The following DDX5 variants were observed in gnomAD, a reference collection of about 807,000 sequenced individuals.
DDX5 encodes DEAD-box helicase 5, also known as probable ATP-dependent RNA helicase DDX5.
DDX5 carries 6 observed loss-of-function variants against 68.6 expected under a neutral mutation model. The observed-to-expected ratio is 0.09, with a 90% CI of 0.05 to 0.17. DDX5 has a LOEUF of 0.17. Among genes scored for constraint, DDX5 ranks in the 10% least tolerant of loss-of-function variants. The pLI, the probability that DDX5 is intolerant of heterozygous loss-of-function variation, is 1.00. For missense variants in DDX5, 499 were observed against 756.1 expected (o/e 0.66, Z 3.99); for synonymous variants, 350 against 247.0 (o/e 1.42, Z -3.91).
chr17:64,505,895 G>A (rs150802016), intron 1 of DDX5, 181 bp downstream of exon 1: 4 of 1,535,368 alleles, frequency 2.6e-6, no homozygotes, highest in East Asian at 2.4e-5. Flanking sequence ...ACACTACACC[G>A]TCAAATCTCT....
At chr17:64,506,358 C>T (rs2038523334), upstream of DDX5, 17 of 1,446,904 alleles carry the variant, frequency 1.2e-5, no homozygotes, top group South Asian at 2.2e-4. Flanking sequence ...ACGCTGGGAG[C>T]CGCTCTATGA....
At position 64,506,227 on chromosome 17, in the gene DDX5, GGAA is replaced by G. The variant is rs1395151172; in HGVS notation, c.-111_-109del. 1 of 1,555,020 alleles carries G rather than the reference GGAA, an allele frequency of 6.4e-7. No homozygotes were observed. The highest frequency in any genetic ancestry group is 8.7e-7 in the Non-Finnish European group (1 of 1,149,818). ...GAAGCCTTGCGGGGGCGGCAGCGGA[GGAA>G]GGACACCGATGACACCAGCCGAAGC... On this transcript the variant is annotated 5_prime_UTR_variant, in exon 1 of 13. Transcript: ENST00000225792.
intron 1 of DDX5, 56 bp downstream of exon 1, chr17:64,506,020 A>AGGGGCCCCCCCCCCCCCCCC: frequency 1.2e-6 from 1 of 868,080 alleles, no homozygotes; most frequent in Non-Finnish European, 1.7e-6. Flanking sequence ...CGCCACCCTG[A>AGGGGCCCCCCCCCCCCCCCC]CCCGCCCTCC....
chr17:64,505,568 G>C (rs920148727), intron 1 of DDX5: 27 of 678,636 alleles, frequency 4.0e-5, no homozygotes, highest in Middle Eastern at 7.9e-4. Flanking sequence ...CTCCTCCGCC[G>C]GGCGGGGTAA....
intron 1 of DDX5, 57 bp downstream of exon 1, chr17:64,506,019 G>GGGCCCCCCCCCCCCCCCCCCCC: frequency 7.4e-7 from 1 of 1,360,438 alleles, no homozygotes; most frequent in Non-Finnish European, 1.0e-6. Context: ...CCGCCACCCT[G>GGGCCCCCCCCCCCCCCCCCCCC]ACCCGCCCTC....
intron 1 of DDX5, 192 bp downstream of exon 1, chr17:64,505,884 G>T (rs986100351): frequency 6.5e-7 from 1 of 1,535,712 alleles, no homozygotes; most frequent in African/African-American, 1.4e-5. Flanking sequence ...CAAGCTTGAA[G>T]ACACTACACC....
In DDX5 at chr17:64,504,842, C is replaced by T; in HGVS notation, c.45G>A (p.Gly15=). 1 of 1,590,566 alleles carries T rather than the reference C, an allele frequency of 6.3e-7. No homozygotes were observed. Among genetic ancestry groups the T allele is most frequent in the Non-Finnish European group, 8.5e-7 (1 of 1,173,574 alleles). Reference sequence around the variant, plus strand: ...TTCCTCCAAATCGAGGTGCACCAAACCTGGAATGAAAAAAAACGTTATTCA... The same window carrying T: ...TTCCTCCAAATCGAGGTGCACCAAATCTGGAATGAAAAAAAACGTTATTCA... The part of the protein sequence containing the change: ...SSDRDRGRDR[G]FGAPRFGGSR... The change falls in exon 2 of 13, where the codon GGG becomes GGA. Residue 15 remains glycine (G), a splice_region_variant and synonymous_variant. Transcript: ENST00000225792.
chr17:64,505,502 C>A, intron 1 of DDX5: 1 of 589,172 alleles, frequency 1.7e-6, no homozygotes, highest in Admixed American at 3.0e-5. Context: ...GCGGCGCTTC[C>A]CCCTTTGTCT....
chr17:64,500,826 A>G lies in DDX5; in HGVS notation c.1217-53T>C, dbSNP rs782087920. 3.1e-6 allele frequency: 4 copies of G among 1,310,518 alleles called. No individual in the cohort carries two copies. In the South Asian group the frequency reaches 4.8e-5, roughly 16 times the overall value. The allele number at this position is 1,310,518 out of a possible 1,614,324, so 81.2% of individuals were successfully genotyped here. On this transcript the variant is annotated intron_variant, in intron 11 of 12. Coordinates refer to ENST00000225792, the MANE Select transcript of DDX5 (RefSeq NM_004396.5). ...AGCAATGTACGGAGTTTTGCACACCACAACAGCCAGACCAAAAATAAAAAG... is the reference window on the plus strand; with the variant it reads ...AGCAATGTACGGAGTTTTGCACACCGCAACAGCCAGACCAAAAATAAAAAG...
chr17:64,502,279 G>GT, intron 9 of DDX5, 56 bp from the exon 10 acceptor site: 1 of 1,581,734 alleles, frequency 6.3e-7, no homozygotes, highest in Non-Finnish European at 8.7e-7. Flanking sequence ...TCAGACTCCA[G>GT]TGCTTGACCA....
chr17:64,502,272 G>C, intron 9 of DDX5, 49 bp from the exon 10 acceptor site: 2 of 1,599,638 alleles, frequency 1.3e-6, no homozygotes, highest in Non-Finnish European at 1.7e-6. Context: ...GAAAACCTCA[G>C]ACTCCAGTGC....
intron 7 of DDX5, 44 bp from the exon 8 acceptor site, chr17:64,503,142 G>C: frequency 6.2e-7 from 1 of 1,612,628 alleles, no homozygotes; most frequent in Non-Finnish European, 8.5e-7. Context: ...ACTCTTAAGA[G>C]TGAAAACACA....
chr17:64,506,019 G>GTGCCCCCCCCCCCC, intron 1 of DDX5, 57 bp downstream of exon 1: 3 of 1,360,404 alleles, frequency 2.2e-6, no homozygotes, highest in Non-Finnish European at 3.0e-6. Context: ...CCGCCACCCT[G>GTGCCCCCCCCCCCC]ACCCGCCCTC....
At position 64,500,771 on chromosome 17, in the gene DDX5, C is replaced by T; in HGVS notation, c.1219G>A (p.Val407Met). The T allele has an allele frequency of 6.2e-7, 1 of 1,612,260 alleles. No homozygotes were observed. The highest frequency in any genetic ancestry group is 8.5e-7 in the Non-Finnish European group (1 of 1,178,380). ...TTGATGACAAATTTCACATCTTCCA[C>T]ATCTGTAAGGTGTTGCAGTGTGGCA... Reference protein sequence around the residue: ...ATDVASRGLDVEDVKFVINYD... With the variant: ...ATDVASRGLDMEDVKFVINYD... Residue 407 changes from valine (V) to methionine (M), a missense_variant and splice_region_variant, in exon 12 of 13, where the codon GTG (valine) becomes ATG (methionine). Val to Met is a conservative substitution (Grantham distance 21). This residue lies in a region of DDX5 where 26 missense variants were observed against 128.2 expected (regional missense o/e 0.20). Transcript: ENST00000225792.
chr17:64,506,020 A>AGGGGCCCCCCC, intron 1 of DDX5, 56 bp downstream of exon 1: 2 of 868,064 alleles, frequency 2.3e-6, no homozygotes, highest in Non-Finnish European at 3.4e-6. Context: ...CGCCACCCTG[A>AGGGGCCCCCCC]CCCGCCCTCC....
chr17:64,506,763 C>G (rs2038551280), upstream of DDX5: 1 of 508,170 alleles, frequency 2.0e-6, no homozygotes. Flanking sequence ...ACCGGAAGTG[C>G]GCTGCTCGCA....
rs372537624 is a variant in DDX5 at position 64,502,184 on chromosome 17, T to C, written c.1134A>G (p.Gln378=). 6.2e-7 allele frequency: 1 copy of C among 1,614,160 alleles called. No individual in the cohort carries two copies. Among genetic ancestry groups the C allele is most frequent in the East Asian group, 2.2e-5 (1 of 44,888 alleles). The change falls in exon 10 of 13, where the codon CAA becomes CAG. Residue 378 remains glutamine (Q), a synonymous_variant. Coordinates refer to ENST00000225792, the MANE Select transcript of DDX5 (RefSeq NM_004396.5). Reference sequence around the variant, plus strand: ...TACCATTTAGAACCCAGTCACGCTCTTGTTGACTCTTGTCACCATGGATAC... The same window carrying C: ...TACCATTTAGAACCCAGTCACGCTCCTGTTGACTCTTGTCACCATGGATAC... The part of the protein sequence containing the change: ...AMGIHGDKSQ[Q]ERDWVLNEFK...
At chr17:64,505,601 G>C in intron 1 of DDX5, 1 of 868,802 alleles carries the variant, frequency 1.2e-6, no homozygotes, top group Non-Finnish European at 1.8e-6. Flanking sequence ...CGCCATGTCC[G>C]AGGCCGGCAT....
chr17:64,500,497 T>C (rs1408252985), intron 12 of DDX5, 52 bp downstream of exon 12: 3 of 1,565,222 alleles, frequency 1.9e-6, no homozygotes, highest in Non-Finnish European at 1.7e-6. Flanking sequence ...AATGGATTTG[T>C]AGACAACGAT....
Sources: allele counts gnomAD v4.1 joint callset, GRCh38; gene constraint gnomAD v4.1.1; regional missense constraint gnomAD v4.1.1; transcripts MANE v1.5; gene names NCBI Gene and HGNC (gene_info 2026-07-23, HGNC 2026-07-21).